ARAP3: variants seen among roughly 807,000 people sequenced by gnomAD.
The protein encoded by ARAP3 is ArfGAP with RhoGAP domain, ankyrin repeat and PH domain 3.
ARAP3 carries 82 observed loss-of-function variants against 169.2 expected under a neutral mutation model. That is an observed-to-expected ratio of 0.48 (90% CI 0.41 to 0.58). ARAP3 has a LOEUF of 0.58. Among genes scored for constraint, ARAP3 ranks in the 20% least tolerant of loss-of-function variants. ARAP3 has a pLI of 0.00. For synonymous variants in ARAP3, 791 were observed against 800.3 expected (o/e 0.99, Z 0.20); for missense variants, 1,764 against 2,018.0 (o/e 0.87, Z 2.41).
At chr5:141,654,556 T>A (rs6580194) in intron 32 of ARAP3, 121 bp from the exon 33 acceptor site, 902,557 of 1,399,428 alleles carry the variant, frequency 0.64, 294,100 homozygotes, top group Admixed American at 0.75. Context: ...CATGTATGAT[T>A]CTGGAACAAC....
Position 141,680,441 on chromosome 5 carries a change from C to T in ARAP3, c.46G>A (p.Val16Met). The T allele has an allele frequency of 6.2e-7, 1 of 1,609,662 alleles. No individual in the cohort carries two copies. The highest frequency in any genetic ancestry group is 8.5e-7 in the Non-Finnish European group (1 of 1,179,170). The change falls in exon 2 of 33, where the codon GTG becomes ATG. Residue 16 changes from valine (V) to methionine (M), a missense_variant. Transcript: ENST00000239440. ...GTGTCTGCATACTGCTCCAGGTGCA[C>T]CGTGGCCAGCCACACAGCGATGTCC... The part of the protein sequence containing the change: ...DLDIAVWLAT[V>M]HLEQYADTFR...
At chr5:141,680,617 T>TG in intron 1 of ARAP3, 114 bp from the exon 2 acceptor site, 1 of 1,412,980 alleles carries the variant, frequency 7.1e-7, no homozygotes, top group Non-Finnish European at 9.3e-7. Context: ...CAAAGAAAGA[T>TG]GCTGAAAGGC....
At chr5:141,670,743 C>T in intron 13 of ARAP3, 115 bp from the exon 14 acceptor site, 2 of 839,418 alleles carry the variant, frequency 2.4e-6, no homozygotes, top group Non-Finnish European at 3.9e-6. Context: ...ACTGCCAGCA[C>T]AGCCAAGTAG....
intron 32 of ARAP3, among the ~76,000 whole-genome samples, chr5:141,654,962 C>G (rs1432291721): frequency 2.0e-5 from 3 of 152,086 alleles, no homozygotes; most frequent in Admixed American, 1.3e-4. Context: ...TGGTCTTGAA[C>G]TCCTGACCTC....
chr5:141,678,149 C>T (rs2099912454), intron 4 of ARAP3, among the ~76,000 whole-genome samples: 1 of 152,142 alleles, frequency 6.6e-6, no homozygotes, highest in Admixed American at 6.5e-5. Flanking sequence ...CGAGGTTTCA[C>T]CATGTTGACT....
rs1346096107 is a variant in ARAP3 at position 141,658,587 on chromosome 5, T to C, written c.3403A>G (p.Thr1135Ala). 1.9e-6 allele frequency: 3 copies of C among 1,613,374 alleles called. No homozygotes were observed. Among genetic ancestry groups the C allele is most frequent in the Non-Finnish European group, 2.5e-6 (3 of 1,179,904 alleles). The change falls in exon 24 of 33, where the codon ACC (threonine) becomes GCC (alanine). Residue 1135 changes from threonine to alanine, a missense_variant. Physicochemically the swap from Thr to Ala is moderately conservative, Grantham distance 58. Transcript: ENST00000239440. ...GTCCCCTCAGGACCAACCTTCAGGG[T>C]GACACAGTTGTCTGGGAGCTGCTGC... ...IEQQLPDNCV[T>A]LKVSPTLTAE...
chr5:141,671,792 C>G lies in ARAP3; in HGVS notation c.1672-40G>C, dbSNP rs756335720. 2 of 1,601,184 alleles carry G rather than the reference C, an allele frequency of 1.2e-6. No homozygotes were observed. The highest frequency in any genetic ancestry group is 1.7e-6 in the Non-Finnish European group (2 of 1,172,178). On this transcript the variant is annotated intron_variant, in intron 11 of 32. Transcript: ENST00000239440. The surrounding 1 kb of genome is among the most constrained non-coding windows in gnomAD (Gnocchi z 4.9). ...GGGACAAAGGCAGGTGACAGGAACTCAAGAGTCCTCAGATGTTCCATTCCT... is the reference window on the plus strand; with the variant it reads ...GGGACAAAGGCAGGTGACAGGAACTGAAGAGTCCTCAGATGTTCCATTCCT...
rs1190698527 is a variant in ARAP3, at chr5:141,672,649, G to A, written c.1288C>T (p.Leu430=). The A allele has an allele frequency of 6.2e-7, 1 of 1,613,838 alleles. No individual in the cohort carries two copies. The highest frequency in any genetic ancestry group is 8.5e-7 in the Non-Finnish European group (1 of 1,179,840). The part of the protein sequence containing the change: ...ALYKSEQAFS[L]GIGICFIELQ... ...TCGATGAAGCAGATCCCGATGCCCA[G>A]AGAGAAGGCCTGGTGGGGTCAGGGG... The change falls in exon 9 of 33, where the codon CTG becomes TTG. Residue 430 remains leucine, a synonymous_variant. Coordinates refer to ENST00000239440, the MANE Select transcript of ARAP3 (RefSeq NM_022481.6). The surrounding 1 kb of genome is among the most constrained non-coding windows in gnomAD (Gnocchi z 4.9).
intron 16 of ARAP3, among the ~76,000 whole-genome samples, chr5:141,668,450 T>C (rs1209199456): frequency 6.6e-6 from 1 of 152,204 alleles, no homozygotes; most frequent in Admixed American, 6.5e-5. Context: ...CAAATTGCTA[T>C]AAAATATTCT....
At chr5:141,675,199 C>T (rs1028834884) in intron 4 of ARAP3, among the ~76,000 whole-genome samples, 5 of 152,156 alleles carry the variant, frequency 3.3e-5, no homozygotes, top group African/African-American at 1.2e-4. Flanking sequence ...CAGGTCTTTG[C>T]TTATGTCATC....
chr5:141,655,258 A>ACACAC (rs1491503001), intron 32 of ARAP3, 104 bp downstream of exon 32: 39 of 1,109,478 alleles, frequency 3.5e-5, no homozygotes, highest in Admixed American at 9.0e-5. Context: ...ACACACACAC[A>ACACAC]CCCCCTGATG....
chr5:141,674,302 A>G (rs1043966614), intron 4 of ARAP3, among the ~76,000 whole-genome samples: 66 of 152,172 alleles, frequency 4.3e-4, no homozygotes, highest in African/African-American at 1.4e-3. Flanking sequence ...TCTGCTGCCC[A>G]GGCTGAGTGC....
chr5:141,659,465 G>T lies in ARAP3; in HGVS notation c.3279C>A (p.Asp1093Glu), dbSNP rs767397115. ...CCTCCAAGTCAATCTGAGCTACCTGGTCAGAATCGATCTGTGAAAGAGCCA... is the reference window on the plus strand; with the variant it reads ...CCTCCAAGTCAATCTGAGCTACCTGTTCAGAATCGATCTGTGAAAGAGCCA... Reference protein sequence around the residue: ...GYISVFDIDSDQVAQIDLEVS... With the variant: ...GYISVFDIDSEQVAQIDLEVS... The change falls in exon 23 of 33, where the codon GAC becomes GAA. Residue 1093 changes from aspartate (D) to glutamate (E), a missense_variant. This residue lies in a region of ARAP3 where 1,112 missense variants were observed against 1,285.7 expected (regional missense o/e 0.86). Coordinates refer to ENST00000239440, the MANE Select transcript of ARAP3 (RefSeq NM_022481.6). The T allele has an allele frequency of 1.9e-6, 3 of 1,614,156 alleles. No individual in the cohort carries two copies. The East Asian group carries it at 6.7e-5, about 36-fold the overall frequency.
intron 19 of ARAP3, 128 bp from the exon 20 acceptor site, chr5:141,662,383 A>C: frequency 1.2e-6 from 1 of 836,290 alleles, no homozygotes; most frequent in Non-Finnish European, 1.9e-6. Flanking sequence ...GAGGAGATCT[A>C]TGCCTCCATG....
At chr5:141,660,011 G>C in intron 21 of ARAP3, 85 bp from the exon 22 acceptor site, 2 of 1,469,950 alleles carry the variant, frequency 1.4e-6, no homozygotes, top group Non-Finnish European at 1.8e-6. Context: ...CCTGGGCTAA[G>C]TGCTTGGAAT....
intron 32 of ARAP3, 123 bp downstream of exon 32, chr5:141,655,239 C>CCCTGATGGCCT: frequency 1.0e-6 from 1 of 1,001,684 alleles, no homozygotes; most frequent in Non-Finnish European, 1.5e-6. Context: ...CACACACACA[C>CCCTGATGGCCT]ACACACACAC....
chr5:141,670,455 C>T, intron 14 of ARAP3, 57 bp downstream of exon 14: 3 of 1,538,042 alleles, frequency 2.0e-6, no homozygotes, highest in Admixed American at 1.7e-5. Context: ...TCTGCAGTAC[C>T]CTCACACCCA....
chr5:141,682,012 G>C (rs2099913084), intron 1 of ARAP3, among the ~76,000 whole-genome samples, 161 bp downstream of exon 1: 1 of 151,916 alleles, frequency 6.6e-6, no homozygotes, highest in African/African-American at 2.4e-5. Flanking sequence ...GGGGCGAGGA[G>C]GGATGGGGCA....
chr5:141,660,015 T>C, intron 21 of ARAP3, 89 bp from the exon 22 acceptor site: 1 of 1,459,164 alleles, frequency 6.9e-7, no homozygotes, highest in South Asian at 1.4e-5. Context: ...GGCTAAGTGC[T>C]TGGAATACAG....
Sources: allele counts gnomAD v4.1 joint callset (sites outside exome capture counted in the v4.1 genomes callset), GRCh38; gene constraint gnomAD v4.1.1; regional missense constraint gnomAD v4.1.1; non-coding constraint Gnocchi (gnomAD v3.1); transcripts MANE v1.5; gene names NCBI Gene and HGNC (gene_info 2026-07-23, HGNC 2026-07-21).